LENG8: variants seen among roughly 807,000 people sequenced by gnomAD.
LENG8 encodes the protein leukocyte receptor cluster member 8, also known as leukocyte receptor cluster (LRC) member 8.
LENG8 carries 28 observed loss-of-function variants against 102.1 expected under a neutral mutation model. That is an observed-to-expected ratio of 0.27 (90% CI 0.20 to 0.38). The LOEUF (loss-of-function observed/expected upper bound fraction) is 0.38. Among genes scored for constraint, LENG8 ranks in the 10% least tolerant of loss-of-function variants. The pLI is 1.00. For synonymous variants in LENG8, 531 were observed against 456.7 expected (o/e 1.16, Z -2.07); for missense variants, 1,022 against 1,113.9 (o/e 0.92, Z 1.17).
Position 54,456,677 on chromosome 19 carries a change from C to A in LENG8, c.1487C>A (p.Ala496Glu). The change falls in exon 11 of 16, where the codon GCG becomes GAG. Residue 496 changes from alanine (A) to glutamate (E), a missense_variant. Ala to Glu is a moderately radical substitution (Grantham distance 107, BLOSUM62 -1). Transcript: ENST00000326764. ...ACCAAGCGCAGTCGAAAGAAGATGG[C>A]GGCGCTGGAGTGTGAGGACCCGGAG... Reference protein sequence around the residue: ...APTKRSRKKMAALECEDPERE... With the variant: ...APTKRSRKKMEALECEDPERE... The A allele has an allele frequency of 6.2e-7, 1 of 1,612,534 alleles. No individual in the cohort carries two copies. The highest frequency in any genetic ancestry group is 8.5e-7 in the Non-Finnish European group (1 of 1,179,366).
rs938483095 is a variant in LENG8 at position 54,461,462 on chromosome 19, G to A, written c.*534G>A. The A allele has an allele frequency of 1.5e-5, 7 of 461,202 alleles. No homozygotes were observed. Among genetic ancestry groups the A allele is most frequent in the Non-Finnish European group, 2.7e-5 (6 of 226,034 alleles). 28.6% of individuals were successfully genotyped at this position (461,202 alleles called of 1,614,324 possible). On this transcript the variant is annotated 3_prime_UTR_variant, in exon 16 of 16. Coordinates refer to ENST00000326764, the MANE Select transcript of LENG8 (RefSeq NM_052925.4). ...GGTGGGGGAGCTGCTTAGAGACTGT[G>A]CCCGTCCTCGGCCCCCCACCCTGAA...
At chr19:54,449,850 C>G (rs777192537) in intron 1 of LENG8, 5 of 152,798 alleles carry the variant, frequency 3.3e-5, no homozygotes, top group Non-Finnish European at 7.3e-5. Context: ...CCTCTAATCT[C>G]CCTTCTGCCC....
At chr19:54,455,189 G>A in intron 7 of LENG8, 97 bp downstream of exon 7, 2 of 1,559,776 alleles carry the variant, frequency 1.3e-6, no homozygotes, top group Non-Finnish European at 1.8e-6. Flanking sequence ...GAGCCTCAGT[G>A]TGCGCCTCTG....
intron 6 of LENG8, 127 bp from the exon 7 acceptor site, chr19:54,454,824 A>C: frequency 3.5e-6 from 5 of 1,436,284 alleles, no homozygotes; most frequent in Non-Finnish European, 4.7e-6. Flanking sequence ...TGGACCAGGC[A>C]CATGTGTGCT....
chr19:54,451,318 G>T lies in LENG8; in HGVS notation c.-27G>T, dbSNP rs1376219578. ...GTGAAAAAGCAGTCTGGCTCCCGAG[G>T]TCCACCCCTTATACCCCAAGGTCCA... On this transcript the variant is annotated 5_prime_UTR_variant, in exon 2 of 16. Transcript: ENST00000326764. 1 of 1,613,976 alleles carries T rather than the reference G, an allele frequency of 6.2e-7. No homozygotes were observed. Among genetic ancestry groups the T allele is most frequent in the South Asian group, 1.1e-5 (1 of 91,080 alleles).
chr19:54,455,716 G>T, intron 8 of LENG8, 149 bp downstream of exon 8: 1 of 838,026 alleles, frequency 1.2e-6, no homozygotes, highest in Non-Finnish European at 1.9e-6. Flanking sequence ...TGAAGTCCTG[G>T]TTGGAGGGAG....
chr19:54,454,765 C>A, intron 6 of LENG8, 83 bp downstream of exon 6: 1 of 1,471,012 alleles, frequency 6.8e-7, no homozygotes. Flanking sequence ...GTGTGTGCTG[C>A]TCCTTGTTTC....
At chr19:54,457,717 T>G (rs1393545414) in intron 11 of LENG8, 30 bp from the exon 12 acceptor site, 1 of 1,513,546 alleles carries the variant, frequency 6.6e-7, no homozygotes, top group Admixed American at 1.7e-5. Context: ...TGAGTTGTAC[T>G]CCGAGTGTGA....
intron 10 of LENG8, 36 bp from the exon 11 acceptor site, chr19:54,456,600 C>G (rs757860774): frequency 1.3e-6 from 2 of 1,577,720 alleles, no homozygotes; most frequent in Admixed American, 3.6e-5. Context: ...GGGCTGGAGA[C>G]GCCTGTCGCG....
intron 2 of LENG8, among the ~76,000 whole-genome samples, chr19:54,451,618 A>C (rs2083964995): frequency 6.6e-6 from 1 of 152,180 alleles, no homozygotes; most frequent in Non-Finnish European, 1.5e-5. Context: ...GCTTTGCAGA[A>C]TTGTGATGAT....
chr19:54,457,683 G>T lies in LENG8; in HGVS notation c.1732-64G>T, dbSNP rs930452008. On this transcript the variant is annotated intron_variant, in intron 11 of 15. Transcript: ENST00000326764. ...ATGTTGCAACTCTCCCACCAAATAAGTGGAAGCCGTTGGCCACGCTACCTG... is the reference window on the plus strand; with the variant it reads ...ATGTTGCAACTCTCCCACCAAATAATTGGAAGCCGTTGGCCACGCTACCTG... 13 of 1,150,382 alleles carry T rather than the reference G, an allele frequency of 1.1e-5. No homozygotes were observed. The Admixed American group carries it at 1.9e-4, about 17-fold the overall frequency. The allele number at this position is 1,150,382 out of a possible 1,614,324, so 71.3% of individuals were successfully genotyped here.
At chr19:54,451,265 C>T in intron 1 of LENG8, 25 bp from the exon 2 acceptor site, 1 of 1,455,106 alleles carries the variant, frequency 6.9e-7, no homozygotes, top group Non-Finnish European at 9.7e-7. Flanking sequence ...CCTTAAGTCT[C>T]CCTAACTCAT....
chr19:54,451,474 TA>T, intron 2 of LENG8, 92 bp downstream of exon 2: 1 of 1,304,910 alleles, frequency 7.7e-7, no homozygotes, highest in Middle Eastern at 2.0e-4. Context: ...CCCGTGGCCT[TA>T]GGGGAGGTGA....
chr19:54,457,711 T>C (rs755743435), intron 11 of LENG8, 36 bp from the exon 12 acceptor site: 2 of 1,465,492 alleles, frequency 1.4e-6, no homozygotes, highest in Non-Finnish European at 1.9e-6. Context: ...GCTACCTGAG[T>C]TGTACTCCGA....
intron 10 of LENG8, 32 bp from the exon 11 acceptor site, chr19:54,456,604 T>C (rs773935865): frequency 2.1e-5 from 34 of 1,585,946 alleles, no homozygotes; most frequent in Non-Finnish European, 2.8e-5. Context: ...TGGAGACGCC[T>C]GTCGCGCTCA....
In LENG8 at chr19:54,457,769, T is replaced by C. The variant is rs753524635; in HGVS notation, c.1754T>C (p.Met585Thr). 8.7e-6 allele frequency: 14 copies of C among 1,614,046 alleles called. No homozygotes were observed. Among genetic ancestry groups the C allele is most frequent in the Non-Finnish European group, 1.1e-5 (13 of 1,179,888 alleles). The change falls in exon 12 of 16, where the codon ATG (methionine) becomes ACG (threonine). Residue 585 changes from methionine (M) to threonine (T), a missense_variant. Met to Thr is a moderately conservative substitution (Grantham distance 81). Transcript: ENST00000326764. ...CAGGTTTTGAAAAAGTCGCTGTGCA[T>C]GGTCAAGTGCCACTGGAAAGAGAAG... The part of the protein sequence containing the change: ...PVAVLKKSLC[M>T]VKCHWKEKQD...
rs1249924528 is a variant in LENG8 at position 54,456,774 on chromosome 19, C to G, written c.1584C>G (p.Pro528=). 1 of 1,611,816 alleles carries G rather than the reference C, an allele frequency of 6.2e-7. No individual in the cohort carries two copies. The highest frequency in any genetic ancestry group is 8.5e-7 in the Non-Finnish European group (1 of 1,179,578). ...HGHSRRLRLE[P]LVLQMSSLES... ...ACTCCCGCCGCCTGCGCCTCGAGCC[C>G]CTGGTGCTGCAGATGAGCAGCCTGG... Residue 528 remains proline (P), a synonymous_variant, in exon 11 of 16, where the codon CCC becomes CCG. Coordinates refer to ENST00000326764, the MANE Select transcript of LENG8 (RefSeq NM_052925.4).
Position 54,461,025 on chromosome 19 carries a change from T to C in LENG8, c.*97T>C. On this transcript the variant is annotated 3_prime_UTR_variant, in exon 16 of 16. Coordinates refer to ENST00000326764, the MANE Select transcript of LENG8 (RefSeq NM_052925.4). ...CCGTGGACTTGGGTTGTAAATTTAT[T>C]TGTGGGGAGTGCGCTCCAGGAAGAG... The C allele has an allele frequency of 1.3e-6, 2 of 1,512,714 alleles. No individual in the cohort carries two copies. Among genetic ancestry groups the C allele is most frequent in the South Asian group, 2.4e-5 (2 of 82,838 alleles). 93.7% of individuals were successfully genotyped at this position (1,512,714 alleles called of 1,614,324 possible).
At chr19:54,460,648 C>T in intron 15 of LENG8, 118 bp from the exon 16 acceptor site, 1 of 1,439,704 alleles carries the variant, frequency 6.9e-7, no homozygotes, top group Non-Finnish European at 9.1e-7. Context: ...GGGGAGCCAG[C>T]AGGCACTGTG....
Sources: allele counts gnomAD v4.1 joint callset (sites outside exome capture counted in the v4.1 genomes callset), GRCh38; gene constraint gnomAD v4.1.1; transcripts MANE v1.5; gene names NCBI Gene and HGNC (gene_info 2026-07-23, HGNC 2026-07-21).